The following PSMD5 variants were observed in gnomAD, a reference collection of about 807,000 sequenced individuals.
PSMD5 encodes the protein proteasome 26S subunit, non-ATPase 5, also known as 26S proteasome non-ATPase regulatory subunit 5.
Under a neutral mutation model 52.1 loss-of-function variants are expected in PSMD5, and 40 were observed. That is an observed-to-expected ratio of 0.77 (90% CI 0.60 to 1.00). The LOEUF is 1.00. Among genes scored for constraint, PSMD5 ranks in the 50% least tolerant of loss-of-function variants. The pLI, the probability that PSMD5 is intolerant of heterozygous loss-of-function variation, is 0.00. For missense variants in PSMD5, 575 were observed against 605.2 expected (o/e 0.95, Z 0.52); for synonymous variants, 211 against 226.6 (o/e 0.93, Z 0.62).
chr9:120,835,601 G>A (rs571160970), intron 1 of PSMD5, among the ~76,000 whole-genome samples: 132 of 152,024 alleles, frequency 8.7e-4, no homozygotes, highest in African/African-American at 2.9e-3. Context: ...GGTAGTGGGC[G>A]CCTGTAATCC....
At position 120,816,792 on chromosome 9, in the gene PSMD5, A is replaced by G. The variant is rs746895653; in HGVS notation, c.*1114T>C. 3 of 152,186 alleles carry G rather than the reference A, an allele frequency of 2.0e-5. No individual in the cohort carries two copies. The highest frequency in any genetic ancestry group is 7.2e-5 in the African/African-American group (3 of 41,432). 9.4% of individuals were successfully genotyped at this position (152,186 alleles called of 1,614,324 possible). ...AAGAAAGATTATCCTTTGTAAATTA[A>G]TGAGATGGTATCCTGATTTATGCAT... On this transcript the variant is annotated 3_prime_UTR_variant, in exon 10 of 10. Coordinates refer to ENST00000210313, the MANE Select transcript of PSMD5 (RefSeq NM_005047.4).
rs778795627 is a variant in PSMD5 at position 120,824,565 on chromosome 9, A to G, written c.935T>C (p.Ile312Thr). 13 of 1,614,018 alleles carry G rather than the reference A, an allele frequency of 8.1e-6. No homozygotes were observed. In the South Asian group the frequency reaches 1.2e-4, roughly 15 times the overall value. Reference sequence around the variant, plus strand: ...TCCAACTGTGTCTACAGCTACACCAATCATAGTGGGGTCCTGACTTTCTAT... The same window carrying G: ...TCCAACTGTGTCTACAGCTACACCAGTCATAGTGGGGTCCTGACTTTCTAT... ...EMIESQDPTM[I>T]GVAVDTVGIL... The change falls in exon 7 of 10, where the codon ATT becomes ACT. Residue 312 changes from isoleucine (I) to threonine (T), a missense_variant. Coordinates refer to ENST00000210313, the MANE Select transcript of PSMD5 (RefSeq NM_005047.4).
intron 7 of PSMD5, 79 bp from the exon 8 acceptor site, chr9:120,821,543 T>C: frequency 2.9e-6 from 3 of 1,018,968 alleles, no homozygotes; most frequent in Non-Finnish European, 4.3e-6. Flanking sequence ...TAACCATTTT[T>C]AGTGTATAGT....
At chr9:120,832,489 T>C (rs2045168704) in intron 2 of PSMD5, among the ~76,000 whole-genome samples, 1 of 147,620 alleles carries the variant, frequency 6.8e-6, no homozygotes, top group African/African-American at 2.5e-5. Context: ...CTCTGCCTCC[T>C]GGGTTCAAAC....
rs1307575864 is a variant in PSMD5 at position 120,817,156 on chromosome 9, T to C, written c.*750A>G. ...TAATCTTAATATTCCATACTACTCATTTTTCAAAGAATATATCCAAGACTT... is the reference window on the plus strand; with the variant it reads ...TAATCTTAATATTCCATACTACTCACTTTTCAAAGAATATATCCAAGACTT... On this transcript the variant is annotated 3_prime_UTR_variant, in exon 10 of 10. Coordinates refer to ENST00000210313, the MANE Select transcript of PSMD5 (RefSeq NM_005047.4). The C allele has an allele frequency of 2.0e-5, 3 of 152,012 alleles. No individual in the cohort carries two copies. The highest frequency in any genetic ancestry group is 4.4e-5 in the Non-Finnish European group (3 of 68,022). 9.4% of individuals were successfully genotyped at this position (152,012 alleles called of 1,614,324 possible). A position where few individuals can be genotyped will look rare whatever the true frequency, so the allele number is the denominator to read the frequency against.
chr9:120,832,422 A>AG (rs2045168177), intron 2 of PSMD5, among the ~76,000 whole-genome samples: 2 of 107,002 alleles, frequency 1.9e-5, no homozygotes, highest in South Asian at 6.1e-4. Flanking sequence ...TTTGAGATGG[A>AG]GTCTCACTCT....
intron 1 of PSMD5, among the ~76,000 whole-genome samples, chr9:120,836,249 T>C (rs2045197219): frequency 6.6e-6 from 1 of 152,184 alleles, no homozygotes; most frequent in Non-Finnish European, 1.5e-5. Flanking sequence ...TCATAGACAC[T>C]TTGGTTGCAC....
intron 3 of PSMD5, 124 bp downstream of exon 3, chr9:120,831,708 T>C (rs1167347698): frequency 7.1e-7 from 1 of 1,401,084 alleles, no homozygotes; most frequent in Non-Finnish European, 9.5e-7. Context: ...CCATATGAAG[T>C]TGTAAATTCC....
intron 1 of PSMD5, among the ~76,000 whole-genome samples, chr9:120,837,079 T>C (rs539613251): frequency 7.2e-5 from 11 of 152,218 alleles, no homozygotes; most frequent in South Asian, 4.1e-4. Context: ...TTAGTAGAGA[T>C]GGGGTTTCAC....
chr9:120,817,999 C>T lies in PSMD5; in HGVS notation c.1422G>A (p.Gly474=). Residue 474 remains glycine, a synonymous_variant, in exon 10 of 10, where the codon GGG becomes GGA. Transcript: ENST00000210313. ...TTCTGAGCCTCAAATAATTTGGGTTCCCAAAGATTTCTGCAATTGTCTTGG... is the reference window on the plus strand; with the variant it reads ...TTCTGAGCCTCAAATAATTTGGGTTTCCAAAGATTTCTGCAATTGTCTTGG... ...ANSKTIAEIF[G]NPNYLRLRTY... The T allele has an allele frequency of 6.2e-7, 1 of 1,614,186 alleles. No homozygotes were observed. Among genetic ancestry groups the T allele is most frequent in the Non-Finnish European group, 8.5e-7 (1 of 1,180,038 alleles).
intron 5 of PSMD5, 67 bp downstream of exon 5, chr9:120,829,032 A>T: frequency 7.0e-7 from 1 of 1,434,372 alleles, no homozygotes; most frequent in Non-Finnish European, 9.2e-7. Context: ...AAAATCACAG[A>T]TGTCCCAAGG....
At chr9:120,842,654 G>A in intron 1 of PSMD5, 83 bp downstream of exon 1, 5 of 1,517,272 alleles carry the variant, frequency 3.3e-6, no homozygotes, top group East Asian at 2.3e-5. Flanking sequence ...ACTGGGAAAA[G>A]CGCTGTTCTT....
At chr9:120,828,443 CTTT>C (rs34354549) in intron 5 of PSMD5, among the ~76,000 whole-genome samples, 5 of 132,542 alleles carry the variant, frequency 3.8e-5, no homozygotes, top group African/African-American at 2.8e-5. Flanking sequence ...AGCTCATATT[CTTT>C]TTTTTTTTTT....
intron 9 of PSMD5, 138 bp from the exon 10 acceptor site, chr9:120,818,301 G>T: frequency 1.2e-6 from 1 of 829,972 alleles, no homozygotes; most frequent in Non-Finnish European, 1.8e-6. Flanking sequence ...TCCTTCCTGA[G>T]AATCTAACTT....
chr9:120,816,651 G>GAA lies in PSMD5; in HGVS notation c.*1253_*1254dup, dbSNP rs1476222101. Reference sequence around the variant, plus strand: ...TTATCAACTTCACCACGGCCTAAAAGAAATATGCTCATGCATAAACCTCTG... The same window carrying GAA: ...TTATCAACTTCACCACGGCCTAAAAGAAAAATATGCTCATGCATAAACCTCTG... On this transcript the variant is annotated 3_prime_UTR_variant, in exon 10 of 10. Coordinates refer to ENST00000210313, the MANE Select transcript of PSMD5 (RefSeq NM_005047.4). The GAA allele has an allele frequency of 2.0e-5, 3 of 152,196 alleles. No individual in the cohort carries two copies. The highest frequency in any genetic ancestry group is 4.4e-5 in the Non-Finnish European group (3 of 68,040). The allele number at this position is 152,196 out of a possible 1,614,324, so 9.4% of individuals were successfully genotyped here.
intron 2 of PSMD5, among the ~76,000 whole-genome samples, chr9:120,832,730 A>G (rs1246365565): frequency 6.6e-6 from 1 of 152,230 alleles, no homozygotes; most frequent in East Asian, 1.9e-4. Flanking sequence ...AAAAGGAAAA[A>G]CAGTAGTTCA....
At chr9:120,823,510 CTTTT>C (rs1263218977) in intron 7 of PSMD5, among the ~76,000 whole-genome samples, 3 of 108,658 alleles carry the variant, frequency 2.8e-5, no homozygotes, top group Admixed American at 1.0e-4. Context: ...TACCTGGCCT[CTTTT>C]TTTTTTTTTT....
At chr9:120,819,561 G>A (rs541778706) in intron 9 of PSMD5, among the ~76,000 whole-genome samples, 3 of 152,328 alleles carry the variant, frequency 2.0e-5, no homozygotes, top group Non-Finnish European at 4.4e-5. Context: ...CTGGCTAGGC[G>A]CGGTGGCTCA....
intron 9 of PSMD5, among the ~76,000 whole-genome samples, chr9:120,818,539 A>G (rs979944921): frequency 3.9e-5 from 6 of 152,200 alleles, no homozygotes; most frequent in Non-Finnish European, 7.3e-5. Flanking sequence ...TGATTACAAC[A>G]GTGGAAAAAT....
Sources: allele counts gnomAD v4.1 joint callset (sites outside exome capture counted in the v4.1 genomes callset), GRCh38; gene constraint gnomAD v4.1.1; transcripts MANE v1.5; gene names NCBI Gene and HGNC (gene_info 2026-07-23, HGNC 2026-07-21).